KIAA1217: variants seen among roughly 807,000 people sequenced by gnomAD.
The protein encoded by KIAA1217 is KIAA1217.
In KIAA1217, 88 loss-of-function variants were observed where a neutral mutation model predicts 163.9. That is an observed-to-expected ratio of 0.54 (90% CI 0.45 to 0.64). The LOEUF (loss-of-function observed/expected upper bound fraction) is 0.64. KIAA1217 is among the 30% of genes least tolerant of loss of function. The pLI, the probability that KIAA1217 is intolerant of heterozygous loss-of-function variation, is 0.00. For synonymous variants in KIAA1217, 903 were observed against 923.1 expected (o/e 0.98, Z 0.39); for missense variants, 2,372 against 2,475.0 (o/e 0.96, Z 0.88).
intron 2 of KIAA1217, among the ~76,000 whole-genome samples, chr10:24,177,971 G>C (rs922996263): frequency 3.3e-5 from 5 of 152,178 alleles, no homozygotes; most frequent in Non-Finnish European, 7.3e-5. Context: ...ATAGCACCAG[G>C]TCTGGTGCTT....
At chr10:24,100,266 G>A (rs535478615) in intron 2 of KIAA1217, among the ~76,000 whole-genome samples, 2 of 152,034 alleles carry the variant, frequency 1.3e-5, no homozygotes, top group African/African-American at 4.8e-5. Flanking sequence ...AGCCCAGCAG[G>A]TTGCACATCT....
intron 1 of KIAA1217, among the ~76,000 whole-genome samples, chr10:23,975,216 T>C (rs1845489073): frequency 6.6e-6 from 1 of 152,198 alleles, no homozygotes; most frequent in Non-Finnish European, 1.5e-5. Context: ...CAAGAGAAGT[T>C]GGCCCCTCAA....
At chr10:24,313,193 C>A (rs925684501) in intron 2 of KIAA1217, among the ~76,000 whole-genome samples, 2 of 152,126 alleles carry the variant, frequency 1.3e-5, no homozygotes, top group Non-Finnish European at 2.9e-5. Context: ...TAGAGCGGGA[C>A]GTATTTTGCA....
chr10:24,167,495 A>T (rs2065413538), intron 2 of KIAA1217, among the ~76,000 whole-genome samples: 1 of 152,072 alleles, frequency 6.6e-6, no homozygotes, highest in Non-Finnish European at 1.5e-5. Flanking sequence ...AGAGCCCAAG[A>T]TGTAAAGGCC....
intron 12 of KIAA1217, among the ~76,000 whole-genome samples, chr10:24,522,835 C>T (rs1051242559): frequency 6.6e-6 from 1 of 152,258 alleles, no homozygotes; most frequent in African/African-American, 2.4e-5. Flanking sequence ...ATAGGTATTA[C>T]AGGCGGTGGC....
chr10:24,474,181 TGGATGCTGCA>T, intron 6 of KIAA1217, 121 bp downstream of exon 6: 1 of 723,356 alleles, frequency 1.4e-6, no homozygotes, highest in Non-Finnish European at 2.2e-6. Context: ...GCATGTCCTG[TGGATGCTGCA>T]GGAGTCACAG....
chr10:24,516,315 C>T (rs955021032), intron 10 of KIAA1217, among the ~76,000 whole-genome samples: 1 of 152,220 alleles, frequency 6.6e-6, no homozygotes, highest in East Asian at 1.9e-4. Flanking sequence ...GAGTGTCATT[C>T]CCATTTGCAC....
chr10:24,444,125 C>A (rs2060723994), intron 5 of KIAA1217, among the ~76,000 whole-genome samples: 1 of 152,146 alleles, frequency 6.6e-6, no homozygotes, highest in Non-Finnish European at 1.5e-5. Flanking sequence ...ATTCTCCTCC[C>A]TTAGCCTCTT....
At chr10:24,249,745 A>C (rs115297159) in intron 2 of KIAA1217, among the ~76,000 whole-genome samples, 1 of 152,198 alleles carries the variant, frequency 6.6e-6, no homozygotes, top group Non-Finnish European at 1.5e-5. Flanking sequence ...CTCCCAAAAA[A>C]ACCCTGCGGA....
chr10:24,527,101 A>G (rs1380747487), intron 13 of KIAA1217, among the ~76,000 whole-genome samples: 1 of 152,134 alleles, frequency 6.6e-6, no homozygotes, highest in East Asian at 1.9e-4. Flanking sequence ...CATTTTATGT[A>G]TAACTCTCTG....
chr10:24,195,465 C>A (rs1246330616), intron 2 of KIAA1217, among the ~76,000 whole-genome samples: 3 of 152,172 alleles, frequency 2.0e-5, no homozygotes, highest in African/African-American at 7.2e-5. Flanking sequence ...GACGAGGCAG[C>A]CATGAACCTG....
Position 24,536,780 on chromosome 10 carries a change from C to T in KIAA1217, c.3421C>T (p.Gln1141Ter), listed in dbSNP as rs376895793. 1.2e-6 allele frequency: 2 copies of T among 1,613,412 alleles called. No homozygotes were observed. Among genetic ancestry groups the T allele is most frequent in the African/African-American group, 2.7e-5 (2 of 74,896 alleles). The change falls in exon 17 of 21, where the codon CAG becomes TAG. Residue 1141 changes from glutamine to a stop codon, truncating the protein, a stop_gained. Coordinates refer to ENST00000376454, the MANE Select transcript of KIAA1217 (RefSeq NM_019590.5). LOFTEE classifies it high-confidence loss of function. The stretch of plus-strand genomic sequence containing the variant: ...CAGTATTTTAATTCCTTAGGCATTC[C>T]AGAAGTGTTCCTTTATGGATGTAAA... ...DKIMAELQAF[Q>*]KCSFMDVNSN...
chr10:24,419,382 A>G (rs1324968171), intron 3 of KIAA1217, among the ~76,000 whole-genome samples: 1 of 152,060 alleles, frequency 6.6e-6, no homozygotes, highest in African/African-American at 2.4e-5. Flanking sequence ...TGAATGGAAA[A>G]AATACAGAAA....
intron 1 of KIAA1217, among the ~76,000 whole-genome samples, chr10:23,885,612 C>T (rs911535698): frequency 6.6e-6 from 1 of 151,952 alleles, no homozygotes; most frequent in Non-Finnish European, 1.5e-5. Context: ...GGAAAAGTCT[C>T]TCATTCATCT....
At chr10:24,466,636 A>T (rs948048903) in intron 5 of KIAA1217, 1 of 985,284 alleles carries the variant, frequency 1.0e-6, no homozygotes, top group African/African-American at 1.7e-5. Context: ...GTCTTTTGTG[A>T]TGATTTTGTT....
intron 17 of KIAA1217, among the ~76,000 whole-genome samples, chr10:24,538,632 AAGGAAAAAGAGAGG>A (rs1227434352): frequency 8.9e-4 from 125 of 140,394 alleles, no homozygotes; most frequent in African/African-American, 3.1e-3. Flanking sequence ...AAAAGAGAGG[AAGGAAAAAGAGAGG>A]AAGGGAGGGA....
At position 23,856,972 on chromosome 10, in the gene KIAA1217, C is replaced by A. The variant is rs536405736; in HGVS notation, c.-320-150253C>A. On this transcript the variant is annotated intron_variant, in intron 1 of 18. Transcript: ENST00000376462. ...GACCCCTTGCGCTTCCCAAGTGAGG[C>A]AATGCCTCGCCCTGCTTTGGCTCGC... is the stretch of plus-strand genomic sequence containing the variant. Among the ~76,000 whole-genome samples the A allele has an allele frequency of 2.0e-5, 3 of 152,372 alleles. No homozygotes were observed. In the East Asian group the frequency reaches 5.8e-4, roughly 29 times the overall value.
chr10:24,210,872 C>A (rs1048173566), intron 1 of KIAA1217, among the ~76,000 whole-genome samples: 2 of 151,252 alleles, frequency 1.3e-5, no homozygotes, highest in Non-Finnish European at 2.9e-5. Context: ...TTAGATGGCA[C>A]GGCTGCTGGA....
chr10:24,192,465 C>G (rs2066768994), intron 2 of KIAA1217, among the ~76,000 whole-genome samples: 1 of 152,152 alleles, frequency 6.6e-6, no homozygotes, highest in African/African-American at 2.4e-5. Context: ...GTAGTATGCT[C>G]TGGACCCCAT....
Sources: allele counts gnomAD v4.1 joint callset (sites outside exome capture counted in the v4.1 genomes callset), GRCh38; gene constraint gnomAD v4.1.1; transcripts MANE v1.5; gene names NCBI Gene and HGNC (gene_info 2026-07-23, HGNC 2026-07-21).